FRAS1: variants seen among roughly 807,000 people sequenced by gnomAD.
The protein encoded by FRAS1 is extracellular matrix organizing protein FRAS1.
FRAS1 carries 290 observed loss-of-function variants against 435.2 expected under a neutral mutation model. The observed-to-expected ratio is 0.67, with a 90% CI of 0.61 to 0.73. The LOEUF is 0.73. Ranked by LOEUF, FRAS1 falls within the 30% of genes least tolerant of loss-of-function variation. The pLI is 0.00. For synonymous variants in FRAS1, 1,800 were observed against 1,851.0 expected, an observed-to-expected ratio of 0.97 and a Z score of 0.71; for missense variants, 4,860 against 5,001.5, an observed-to-expected ratio of 0.97 and a Z score of 0.85.
intron 29 of FRAS1, among the ~76,000 whole-genome samples, chr4:78,397,703 G>A (rs1732727859): frequency 6.6e-6 from 1 of 152,162 alleles, no homozygotes; most frequent in Non-Finnish European, 1.5e-5. Flanking sequence ...TCTCTTCCCT[G>A]TTCCTTACTG....
At position 78,420,841 on chromosome 4, in the gene FRAS1, A is replaced by G. The variant is rs186003102; in HGVS notation, c.4541-1022A>G. ...GTAGTATATGCATCTTACTATGTGT[A>G]TTAGTCAAGGTTCTCTAGAGGGACA... On this transcript the variant is annotated intron_variant, in intron 33 of 73. Coordinates refer to ENST00000512123, the MANE Select transcript of FRAS1 (RefSeq NM_025074.7). Among the ~76,000 whole-genome samples the G allele has an allele frequency of 7.8e-4, 111 of 142,770 alleles. 1 individual carries two copies. The Admixed American group carries it at 7.8e-3, about 10-fold the overall frequency. The allele number at this position is 142,770 out of a possible 152,430, so 93.7% of individuals were successfully genotyped here.
chr4:78,482,826 G>A (rs1720053619), intron 58 of FRAS1, among the ~76,000 whole-genome samples: 1 of 151,812 alleles, frequency 6.6e-6, no homozygotes, highest in Admixed American at 6.6e-5. Context: ...AGAGAAATTG[G>A]AATAAATCAT....
intron 66 of FRAS1, among the ~76,000 whole-genome samples, chr4:78,518,424 A>G (rs75645899): frequency 0.011 from 185 of 16,712 alleles, 1 homozygote; most frequent in South Asian, 0.039. Context: ...TTTGTTGTGT[A>G]TATATATATA....
intron 38 of FRAS1, among the ~76,000 whole-genome samples, chr4:78,433,316 G>C (rs1398945935): frequency 6.6e-6 from 1 of 152,202 alleles, no homozygotes; most frequent in African/African-American, 2.4e-5. Context: ...GTTGTAAGCA[G>C]ATATGTGCTC....
chr4:78,087,417 C>T (rs1304007104), intron 2 of FRAS1, among the ~76,000 whole-genome samples: 1 of 152,150 alleles, frequency 6.6e-6, no homozygotes, highest in Non-Finnish European at 1.5e-5. Context: ...GTTGGAAGTT[C>T]TGGCCAGGGC....
At chr4:78,270,532 G>GCCCCCCGC (rs1726615418) in intron 9 of FRAS1, among the ~76,000 whole-genome samples, 12 of 113,740 alleles carry the variant, frequency 1.1e-4, no homozygotes, top group South Asian at 3.1e-4. Context: ...ACCAGCCACC[G>GCCCCCCGC]CCCCCCGCCA....
At chr4:78,330,233 C>T (rs345499) in intron 18 of FRAS1, among the ~76,000 whole-genome samples, 117,967 of 152,112 alleles carry the variant, frequency 0.78, 46,751 homozygotes, top group African/African-American at 0.93. Context: ...CATGGACACT[C>T]ATCACTTCCC....
At chr4:78,275,581 T>C (rs952152732) in intron 9 of FRAS1, among the ~76,000 whole-genome samples, 2 of 152,194 alleles carry the variant, frequency 1.3e-5, no homozygotes, top group South Asian at 4.1e-4. Flanking sequence ...CGAAGCTTAG[T>C]TTGGCTGGAT....
chr4:78,487,112 C>G (rs1465343190), intron 58 of FRAS1, among the ~76,000 whole-genome samples: 1 of 152,156 alleles, frequency 6.6e-6, no homozygotes, highest in Admixed American at 6.5e-5. Flanking sequence ...TTCTTGTCCT[C>G]CTATGCTGGG....
At chr4:78,434,162 G>C (rs1454376715) in intron 38 of FRAS1, among the ~76,000 whole-genome samples, 1 of 152,188 alleles carries the variant, frequency 6.6e-6, no homozygotes, top group African/African-American at 2.4e-5. Flanking sequence ...CACAAATGGG[G>C]CAGAGTATAA....
chr4:78,119,299 A>G (rs962942140), intron 2 of FRAS1, among the ~76,000 whole-genome samples: 2 of 152,092 alleles, frequency 1.3e-5, no homozygotes, highest in Admixed American at 6.6e-5. Context: ...ATCTAGCTGT[A>G]ATTTTGTATC....
intron 37 of FRAS1, 42 bp downstream of exon 37, chr4:78,430,459 G>A (rs1158135874): frequency 6.3e-7 from 1 of 1,584,506 alleles, no homozygotes; most frequent in Non-Finnish European, 8.6e-7. Context: ...CCTGCTTGGA[G>A]GATTTTTTGC....
intron 58 of FRAS1, among the ~76,000 whole-genome samples, chr4:78,487,419 C>A (rs769172373): frequency 4.6e-5 from 7 of 152,160 alleles, no homozygotes; most frequent in Non-Finnish European, 1.0e-4. Flanking sequence ...GTCCCCCAAT[C>A]CCCAAACACA....
At chr4:78,514,175 GAC>G (rs1482362120) in intron 65 of FRAS1, among the ~76,000 whole-genome samples, 1 of 152,222 alleles carries the variant, frequency 6.6e-6, no homozygotes, top group Non-Finnish European at 1.5e-5. Context: ...ACTTCCAGCT[GAC>G]ACAGCCAGAC....
chr4:78,418,894 T>C, intron 32 of FRAS1, 55 bp from the exon 33 acceptor site: 1 of 1,093,060 alleles, frequency 9.1e-7, no homozygotes, highest in Non-Finnish European at 1.4e-6. Context: ...TGTTTTTGCC[T>C]CTGGCTTTTG....
At chr4:78,359,894 C>T (rs1731009268) in intron 20 of FRAS1, among the ~76,000 whole-genome samples, 1 of 152,124 alleles carries the variant, frequency 6.6e-6, no homozygotes, top group African/African-American at 2.4e-5. Flanking sequence ...GGGGACTGAT[C>T]TGATGCCTTC....
intron 1 of FRAS1, among the ~76,000 whole-genome samples, chr4:78,060,271 T>G (rs968233924): frequency 6.6e-6 from 1 of 152,180 alleles, no homozygotes; most frequent in African/African-American, 2.4e-5. Flanking sequence ...ATAAGAGCAT[T>G]GAGATCAAGG....
chr4:78,213,472 T>C (rs1169399233), intron 2 of FRAS1, among the ~76,000 whole-genome samples: 1 of 152,276 alleles, frequency 6.6e-6, no homozygotes, highest in Non-Finnish European at 1.5e-5. Flanking sequence ...CTTTCTTGTC[T>C]GTCTCTATAA....
At chr4:78,471,116 A>G (rs1719694868) in intron 51 of FRAS1, among the ~76,000 whole-genome samples, 1 of 152,150 alleles carries the variant, frequency 6.6e-6, no homozygotes, top group Non-Finnish European at 1.5e-5. Flanking sequence ...TACTTTAGGC[A>G]TTGCTTTCTC....
Sources: allele counts gnomAD v4.1 joint callset (sites outside exome capture counted in the v4.1 genomes callset), GRCh38; gene constraint gnomAD v4.1.1; transcripts MANE v1.5; gene names NCBI Gene and HGNC (gene_info 2026-07-23, HGNC 2026-07-21).